AOPEP: variants seen among roughly 807,000 people sequenced by gnomAD.
AOPEP encodes the protein aminopeptidase O.
A neutral mutation model predicts 98.1 loss-of-function variants in AOPEP; 77 were observed. The observed-to-expected ratio is 0.78, with a 90% CI of 0.65 to 0.95. AOPEP has a LOEUF of 0.95. Among genes scored for constraint, AOPEP ranks in the 40% least tolerant of loss-of-function variants. AOPEP has a pLI of 0.00. For synonymous variants in AOPEP, 346 were observed against 365.3 expected, an observed-to-expected ratio of 0.95 and a Z score of 0.60; for missense variants, 1,024 against 1,024.7, an observed-to-expected ratio of 1.00 and a Z score of 0.01.
At chr9:94,780,663 G>GGGATGT (rs1235273395) in intron 3 of AOPEP, among the ~76,000 whole-genome samples, 3 of 152,196 alleles carry the variant, frequency 2.0e-5, no homozygotes, top group African/African-American at 7.2e-5. Flanking sequence ...TTAGAGAAAG[G>GGGATGT]GGATGTGGAT....
chr9:94,740,746 A>G (rs1158037240), intron 1 of AOPEP, among the ~76,000 whole-genome samples: 6 of 152,232 alleles, frequency 3.9e-5, no homozygotes, highest in East Asian at 3.8e-4. Flanking sequence ...GCAGTGGTTC[A>G]GAGGCTGCTG....
At chr9:95,150,018 G>C in the AOPEP span, 40 of 1,614,076 alleles carry the variant, frequency 2.5e-5, no homozygotes, top group Non-Finnish European at 3.3e-5. Flanking sequence ...CCACCAGGGG[G>C]TCAACATCTG....
At chr9:95,110,926 T>C in the AOPEP span, 5 of 1,327,214 alleles carry the variant, frequency 3.8e-6, no homozygotes, top group Non-Finnish European at 2.9e-6. Flanking sequence ...AATGACCAAC[T>C]TCTTTTTCAG....
chr9:95,078,401 T>C (rs1201255923), intron 14 of AOPEP, among the ~76,000 whole-genome samples: 2 of 152,182 alleles, frequency 1.3e-5, no homozygotes, highest in Admixed American at 6.5e-5. Flanking sequence ...AAATCTAAAT[T>C]GTATAATGTC....
chr9:94,831,747 T>C (rs926976470), intron 5 of AOPEP, among the ~76,000 whole-genome samples: 1 of 152,052 alleles, frequency 6.6e-6, no homozygotes, highest in Admixed American at 6.5e-5. Flanking sequence ...GGTTTTGTAG[T>C]TCTTCTTGAA....
At chr9:95,018,118 C>T (rs1485788424) in intron 13 of AOPEP, among the ~76,000 whole-genome samples, 1 of 152,142 alleles carries the variant, frequency 6.6e-6, no homozygotes, top group Non-Finnish European at 1.5e-5. Flanking sequence ...TTTGTGTAGA[C>T]ATATGTTTTC....
rs548211935 is a variant in AOPEP, at chr9:94,865,109, T to C, written c.1365-58877T>C. On this transcript the variant is annotated intron_variant, in intron 5 of 16. Transcript: ENST00000375315. ...CTCCTAACTATGATGAAGACCAGAA[T>C]CTGGAGAAAAAAGGGAATCTGCATT... Among the ~76,000 whole-genome samples, 6 of 152,262 alleles carry C rather than the reference T, an allele frequency of 3.9e-5. No individual in the cohort carries two copies. The South Asian group carries it at 1.2e-3, about 32-fold the overall frequency.
At chr9:94,977,630 T>C in intron 10 of AOPEP, among the ~76,000 whole-genome samples, 1 of 152,200 alleles carries the variant, frequency 6.6e-6, no homozygotes, top group Non-Finnish European at 1.5e-5. Context: ...CACACATCCA[T>C]GCATGCGCAC....
chr9:94,955,944 G>A lies in AOPEP; in HGVS notation c.1801G>A (p.Gly601Arg), dbSNP rs1421205905. The change falls in exon 9 of 17, where the codon GGA becomes AGA. Residue 601 changes from glycine to arginine, a missense_variant. Coordinates refer to ENST00000375315, the MANE Select transcript of AOPEP (RefSeq NM_001193329.3). ...TCTTCGGTTTCTTGCCAAAAGACTT[G>A]GAGATGAAACCTATTTTTCATTTTT... ...FLLRFLAKRL[G>R]DETYFSFLRK... 1 of 1,612,972 alleles carries A rather than the reference G, an allele frequency of 6.2e-7. No homozygotes were observed. The highest frequency in any genetic ancestry group is 8.5e-7 in the Non-Finnish European group (1 of 1,179,686).
In AOPEP at chr9:95,049,287, T is replaced by C. The variant is rs1440304619; in HGVS notation, c.2116-11407T>C. On this transcript the variant is annotated intron_variant, in intron 13 of 16. Coordinates refer to ENST00000375315, the MANE Select transcript of AOPEP (RefSeq NM_001193329.3). The stretch of plus-strand genomic sequence containing the variant: ...AGATTATAGTTGCTCTGTTGGAACT[T>C]TGATATGTTAAAGGGAAATTCTGTA... Among the ~76,000 whole-genome samples, 4 of 152,350 alleles carry C rather than the reference T, an allele frequency of 2.6e-5. No individual in the cohort carries two copies. In the East Asian group the frequency reaches 7.7e-4, roughly 29 times the overall value.
At chr9:94,830,805 G>A (rs1372241777) in intron 5 of AOPEP, among the ~76,000 whole-genome samples, 3 of 152,196 alleles carry the variant, frequency 2.0e-5, no homozygotes, top group African/African-American at 7.2e-5. Context: ...AATGACCAGT[G>A]ATGTTGAGCT....
At chr9:94,764,116 A>C (rs1174455589) in intron 2 of AOPEP, among the ~76,000 whole-genome samples, 5 of 152,230 alleles carry the variant, frequency 3.3e-5, no homozygotes, top group African/African-American at 1.2e-4. Flanking sequence ...CAATAGTGAT[A>C]ATTTATGGGG....
chr9:94,754,387 C>G (rs1836524363), intron 1 of AOPEP, among the ~76,000 whole-genome samples: 1 of 152,188 alleles, frequency 6.6e-6, no homozygotes, highest in Non-Finnish European at 1.5e-5. Context: ...TAAATAGTAA[C>G]TACTCAACAG....
At chr9:94,906,483 A>AATAATAATAATAATT (rs138384769) in intron 5 of AOPEP, among the ~76,000 whole-genome samples, 1 of 145,712 alleles carries the variant, frequency 6.9e-6, no homozygotes, top group African/African-American at 2.5e-5. Flanking sequence ...TAATAATAAT[A>AATAATAATAATAATT]AAAAAACAGA....
intron 13 of AOPEP, among the ~76,000 whole-genome samples, chr9:95,032,738 T>A (rs1352690871): frequency 2.0e-5 from 3 of 152,172 alleles, no homozygotes; most frequent in African/African-American, 4.8e-5. Context: ...CCCAAATCAG[T>A]AGGTAAATAC....
the AOPEP span, among the ~76,000 whole-genome samples, chr9:95,097,635 C>T: frequency 2.0e-5 from 3 of 152,238 alleles, no homozygotes; most frequent in Non-Finnish European, 4.4e-5. Flanking sequence ...TTTCAGCATT[C>T]AGTGCACGTT....
intron 10 of AOPEP, among the ~76,000 whole-genome samples, chr9:94,974,149 T>C (rs765107536): frequency 5.3e-5 from 8 of 152,238 alleles, no homozygotes; most frequent in African/African-American, 9.6e-5. Flanking sequence ...AATTAAACAT[T>C]GTCCTATGGT....
intron 5 of AOPEP, among the ~76,000 whole-genome samples, chr9:94,922,648 CT>C (rs1170935731): frequency 1.3e-5 from 2 of 151,404 alleles, no homozygotes; most frequent in Non-Finnish European, 2.9e-5. Context: ...TTTTTTTCCC[CT>C]GAGTTAGTGC....
At chr9:94,976,759 C>T (rs1173439387) in intron 10 of AOPEP, among the ~76,000 whole-genome samples, 1 of 151,982 alleles carries the variant, frequency 6.6e-6, no homozygotes, top group Non-Finnish European at 1.5e-5. Context: ...CTCTGCCTCC[C>T]AGGCTCAAGC....
Sources: gnomAD v4.1 joint callset for allele counts (sites outside exome capture counted in the v4.1 genomes callset) on GRCh38, gnomAD v4.1.1 for gene constraint, MANE v1.5 for transcripts, NCBI Gene and HGNC (gene_info 2026-07-23, HGNC 2026-07-21) for gene names.